Variants in TRHDE observed in about 807,000 individuals in gnomAD.
TRHDE encodes thyrotropin-releasing hormone-degrading ectoenzyme.
In TRHDE, 72 loss-of-function variants were observed where a neutral mutation model predicts 125.7. That is an observed-to-expected ratio of 0.57 (90% CI 0.47 to 0.70). TRHDE has a LOEUF of 0.70. Among genes scored for constraint, TRHDE ranks in the 30% least tolerant of loss-of-function variants. The pLI is 0.00. For missense variants in TRHDE, 1,110 were observed against 1,327.1 expected (o/e 0.84, Z 2.54); for synonymous variants, 509 against 509.1 (o/e 1.00, Z 0.00).
chr12:72,467,140 T>A (rs11179221), intron 3 of TRHDE, among the ~76,000 whole-genome samples: 7,268 of 152,314 alleles, frequency 0.048, 245 homozygotes, highest in Non-Finnish European at 0.071. Context: ...CGTGCAGGTT[T>A]GTTACATATG....
chr12:72,663,393 C>T lies in TRHDE; in HGVS notation c.*198C>T, dbSNP rs1424770174. The T allele has an allele frequency of 2.4e-6, 1 of 417,612 alleles. No individual in the cohort carries two copies. The highest frequency in any genetic ancestry group is 4.2e-6 in the Non-Finnish European group (1 of 237,072). The allele number at this position is 417,612 out of a possible 1,614,324, so 25.9% of individuals were successfully genotyped here. A position where few individuals can be genotyped will look rare whatever the true frequency, so the allele number is the denominator to read the frequency against. ...GTTTCATTCATTCTGTTCTGTTTCT[C>T]TACTGGGTGTTCCTCTCTAAAGAAA... On this transcript the variant is annotated 3_prime_UTR_variant, in exon 19 of 19. Transcript: ENST00000261180.
At chr12:72,217,613 C>T (rs1169202394) in intron 2 of TRHDE, among the ~76,000 whole-genome samples, 9 of 152,148 alleles carry the variant, frequency 5.9e-5, no homozygotes, top group Non-Finnish European at 8.8e-5. Context: ...ATCATTCCAA[C>T]TTAATGGCTG....
chr12:72,452,424 T>G (rs1243584698), intron 3 of TRHDE, among the ~76,000 whole-genome samples: 2 of 152,164 alleles, frequency 1.3e-5, no homozygotes, highest in Non-Finnish European at 2.9e-5. Flanking sequence ...ATTTGGATGA[T>G]TTTTATTTCT....
At chr12:72,382,193 T>G (rs1274097764) in intron 3 of TRHDE, among the ~76,000 whole-genome samples, 1 of 152,136 alleles carries the variant, frequency 6.6e-6, no homozygotes, top group Admixed American at 6.5e-5. Flanking sequence ...AAGTAATATT[T>G]GTGGTAAATC....
At chr12:72,371,261 T>C (rs989954522) in intron 2 of TRHDE, among the ~76,000 whole-genome samples, 4 of 151,250 alleles carry the variant, frequency 2.6e-5, no homozygotes, top group African/African-American at 9.8e-5. Flanking sequence ...CATACTTCCT[T>C]AGGACCTATA....
Position 72,207,609 on chromosome 12 carries a change from A to G in TRHDE, n.279+101857A>G, listed in dbSNP as rs969324600. The stretch of plus-strand genomic sequence containing the variant: ...TATAAGCAATTCTGGTAAAATGTCT[A>G]TGTTGCCCTTTATTAGCAGAATATG... On this transcript the variant is annotated intron_variant and non_coding_transcript_variant, in intron 2 of 4. Transcript: ENST00000548156. Among the ~76,000 whole-genome samples the G allele has an allele frequency of 3.9e-5, 6 of 152,226 alleles. 1 individual carries two copies. Among genetic ancestry groups the G allele is most frequent in the African/African-American group, 1.2e-4 (5 of 41,470 alleles).
At chr12:72,520,531 G>T (rs538255753) in intron 6 of TRHDE, among the ~76,000 whole-genome samples, 2 of 152,034 alleles carry the variant, frequency 1.3e-5, no homozygotes, top group South Asian at 4.1e-4. Flanking sequence ...ACTGACCTGC[G>T]CCCACTCTCT....
At chr12:72,468,614 C>T (rs1366984125) in intron 3 of TRHDE, among the ~76,000 whole-genome samples, 1 of 152,212 alleles carries the variant, frequency 6.6e-6, no homozygotes, top group African/African-American at 2.4e-5. Flanking sequence ...CTGCCACTTA[C>T]TGACTTTCCC....
chr12:72,524,670 A>G (rs1032595235), intron 6 of TRHDE, among the ~76,000 whole-genome samples: 3 of 152,150 alleles, frequency 2.0e-5, no homozygotes, highest in Non-Finnish European at 2.9e-5. Flanking sequence ...CTGTGTAAAT[A>G]ATCTCATCAG....
intron 6 of TRHDE, among the ~76,000 whole-genome samples, chr12:72,532,985 C>T (rs11179239): frequency 0.069 from 10,524 of 151,930 alleles, 535 homozygotes; most frequent in Non-Finnish European, 0.1. Flanking sequence ...AAAGCTTGTA[C>T]TCATTTTCAA....
chr12:72,292,448 C>T (rs373327162), intron 2 of TRHDE, among the ~76,000 whole-genome samples: 27 of 152,208 alleles, frequency 1.8e-4, no homozygotes, highest in African/African-American at 6.5e-4. Flanking sequence ...TTAACCTCAT[C>T]TCTTCTCTTT....
intron 2 of TRHDE, among the ~76,000 whole-genome samples, chr12:72,320,260 C>T (rs1417280952): frequency 6.6e-6 from 1 of 152,060 alleles, no homozygotes; most frequent in South Asian, 2.1e-4. Flanking sequence ...CAGATACAAA[C>T]ATTTGCAGAT....
At chr12:72,533,358 A>G (rs1868661791) in intron 6 of TRHDE, among the ~76,000 whole-genome samples, 1 of 152,020 alleles carries the variant, frequency 6.6e-6, no homozygotes, top group Admixed American at 6.6e-5. Context: ...TATTTTTAGT[A>G]GAGATGGGGT....
chr12:72,601,918 A>G (rs1872223247), intron 12 of TRHDE, among the ~76,000 whole-genome samples: 1 of 152,140 alleles, frequency 6.6e-6, no homozygotes, highest in African/African-American at 2.4e-5. Context: ...TGAACCTACC[A>G]TATCTCTGTA....
At chr12:72,537,771 G>C (rs1351665326) in intron 6 of TRHDE, among the ~76,000 whole-genome samples, 1 of 151,902 alleles carries the variant, frequency 6.6e-6, no homozygotes, top group Non-Finnish European at 1.5e-5. Flanking sequence ...TCCATCACTT[G>C]TTCAATATTT....
At chr12:72,405,041 C>T (rs1475957973) in intron 3 of TRHDE, among the ~76,000 whole-genome samples, 1 of 152,150 alleles carries the variant, frequency 6.6e-6, no homozygotes, top group African/African-American at 2.4e-5. Flanking sequence ...TAACAAATTA[C>T]AGTATAATTA....
At chr12:72,160,955 C>G (rs1020031283) in intron 2 of TRHDE, among the ~76,000 whole-genome samples, 3 of 152,070 alleles carry the variant, frequency 2.0e-5, no homozygotes, top group Non-Finnish European at 2.9e-5. Flanking sequence ...CCTGGAATTC[C>G]TTTTCATATA....
At chr12:72,133,405 G>A (rs1308193180) in intron 2 of TRHDE, among the ~76,000 whole-genome samples, 2 of 152,250 alleles carry the variant, frequency 1.3e-5, no homozygotes, top group South Asian at 2.1e-4. Flanking sequence ...TTGCTGTGTC[G>A]GGTAGAAGAG....
chr12:72,450,408 C>T lies in TRHDE; in HGVS notation c.1316-19350C>T, dbSNP rs376773203. On this transcript the variant is annotated intron_variant, in intron 3 of 18. Transcript: ENST00000261180. The stretch of plus-strand genomic sequence containing the variant: ...TAATTTTTACAATTTATTAATTAAC[C>T]ATTATAATTGATAAATAAAAATTGT... Among the ~76,000 whole-genome samples the T allele has an allele frequency of 7.9e-5, 12 of 152,056 alleles. No individual in the cohort carries two copies. The South Asian group carries it at 2.5e-3, about 31-fold the overall frequency.
Sources: allele counts gnomAD v4.1 joint callset (sites outside exome capture counted in the v4.1 genomes callset), GRCh38; gene constraint gnomAD v4.1.1; transcripts MANE v1.5; gene names NCBI Gene and HGNC (gene_info 2026-07-23, HGNC 2026-07-21).